The following NPSR1 variants were observed in gnomAD, a reference collection of about 807,000 sequenced individuals.
The protein encoded by NPSR1 is neuropeptide S receptor.
Under a neutral mutation model 46.9 loss-of-function variants are expected in NPSR1, and 48 were observed. That is an observed-to-expected ratio of 1.02 (90% CI 0.81 to 1.30). The LOEUF is 1.30. NPSR1 is among the 50% of genes most tolerant of loss of function. The pLI, the probability that NPSR1 is intolerant of heterozygous loss-of-function variation, is 0.00. For missense variants in NPSR1, 450 were observed against 449.5 expected, an observed-to-expected ratio of 1.00 and a Z score of -0.01; for synonymous variants, 176 against 168.1, an observed-to-expected ratio of 1.05 and a Z score of -0.36.
At chr7:34,761,076 G>A (rs986354302) in intron 2 of NPSR1, 10 of 152,768 alleles carry the variant, frequency 6.5e-5, no homozygotes, top group African/African-American at 2.2e-4. Context: ...ACCACCCCTA[G>A]AAAATGAAAT....
At chr7:34,682,334 C>A (rs1792685106) in intron 1 of NPSR1, among the ~76,000 whole-genome samples, 1 of 152,172 alleles carries the variant, frequency 6.6e-6, no homozygotes, top group Non-Finnish European at 1.5e-5. Flanking sequence ...GCCAGGCCAC[C>A]TGCTTGATGG....
chr7:34,721,748 G>A (rs556293680), intron 2 of NPSR1, among the ~76,000 whole-genome samples: 16 of 152,206 alleles, frequency 1.1e-4, no homozygotes, highest in Admixed American at 2.0e-4. Flanking sequence ...ATATGCCGCC[G>A]AATTTATGTA....
chr7:34,778,000 G>C (rs909516713), intron 2 of NPSR1, among the ~76,000 whole-genome samples: 1 of 152,108 alleles, frequency 6.6e-6, no homozygotes, highest in Admixed American at 6.6e-5. Flanking sequence ...GGGAGGAGGG[G>C]CACTAAGACT....
chr7:34,734,336 C>T (rs546437029), intron 2 of NPSR1, among the ~76,000 whole-genome samples: 1 of 152,060 alleles, frequency 6.6e-6, no homozygotes, highest in Admixed American at 6.5e-5. Flanking sequence ...TACTCTAAAC[C>T]AAACAAGGCA....
At chr7:34,736,840 TCA>T (rs913742411) in intron 2 of NPSR1, among the ~76,000 whole-genome samples, 1 of 152,164 alleles carries the variant, frequency 6.6e-6, no homozygotes, top group Non-Finnish European at 1.5e-5. Context: ...CTCAAATAAG[TCA>T]CAGATTCTAC....
chr7:34,792,734 T>TATTTTTATA (rs58315247), intron 3 of NPSR1, among the ~76,000 whole-genome samples: 10 of 123,282 alleles, frequency 8.1e-5, no homozygotes, highest in African/African-American at 9.1e-5. Context: ...TATATATATA[T>TATTTTTATA]TAGCCAGGCA....
intron 8 of NPSR1, among the ~76,000 whole-genome samples, chr7:34,874,020 C>CCTAATGATACACAGTCTTCT (rs2128770823): frequency 6.6e-6 from 1 of 151,678 alleles, no homozygotes; most frequent in African/African-American, 2.4e-5. Flanking sequence ...TGGCAAGAGC[C>CCTAATGATACACAGTCTTCT]CTAATGATAC....
chr7:34,847,669 A>G (rs1396700420), intron 7 of NPSR1, among the ~76,000 whole-genome samples: 1 of 152,162 alleles, frequency 6.6e-6, no homozygotes, highest in Non-Finnish European at 1.5e-5. Context: ...ACCTTTTTCT[A>G]TGACTCAGGC....
At chr7:34,868,835 A>T (rs1463154763) in intron 8 of NPSR1, among the ~76,000 whole-genome samples, 2 of 151,474 alleles carry the variant, frequency 1.3e-5, no homozygotes, top group Non-Finnish European at 2.9e-5. Context: ...CTCTGACAAA[A>T]TATAACACAG....
intron 2 of NPSR1, among the ~76,000 whole-genome samples, chr7:34,701,976 A>G (rs2128696310): frequency 6.6e-6 from 1 of 152,344 alleles, no homozygotes; most frequent in South Asian, 2.1e-4. Flanking sequence ...AAATCCAAAT[A>G]ATGCTGGCTT....
chr7:34,828,076 T>C (rs942525807), intron 5 of NPSR1, among the ~76,000 whole-genome samples: 1 of 152,208 alleles, frequency 6.6e-6, no homozygotes, highest in Admixed American at 6.5e-5. Context: ...AAGATAGACA[T>C]ACTTGAAACA....
intron 2 of NPSR1, among the ~76,000 whole-genome samples, chr7:34,687,130 C>T (rs981178983): frequency 1.3e-5 from 2 of 151,018 alleles, no homozygotes; most frequent in Non-Finnish European, 2.9e-5. Flanking sequence ...TCAGAGACCC[C>T]ACAACTTCCA....
chr7:34,725,099 T>TCACA (rs56880784), intron 2 of NPSR1, among the ~76,000 whole-genome samples: 2,495 of 146,592 alleles, frequency 0.017, 40 homozygotes, highest in African/African-American at 0.042. Context: ...ACACACAGAC[T>TCACA]CACACACACA....
At chr7:34,771,216 C>T (rs1220576536) in intron 2 of NPSR1, among the ~76,000 whole-genome samples, 3 of 152,148 alleles carry the variant, frequency 2.0e-5, no homozygotes, top group Non-Finnish European at 4.4e-5. Context: ...GAGTGGATCA[C>T]TTGAGCCCGG....
chr7:34,690,725 C>T (rs938314431), intron 2 of NPSR1, among the ~76,000 whole-genome samples: 5 of 152,050 alleles, frequency 3.3e-5, no homozygotes, highest in Non-Finnish European at 5.9e-5. Context: ...TTGATAAATA[C>T]GGGATTATGT....
intron 2 of NPSR1, among the ~76,000 whole-genome samples, chr7:34,737,304 G>A (rs549792783): frequency 7.9e-5 from 12 of 152,228 alleles, no homozygotes. Flanking sequence ...TCTTTCTGCT[G>A]ATTATTAAAA....
chr7:34,848,518 G>C lies in NPSR1; in HGVS notation c.880G>C (p.Asp294His), dbSNP rs1028135599. ...CTGTTGGAGTCCATACTTCCTGTTT[G>C]ACATTTTGGACAATTTCAACCTCCT... ...ICCWSPYFLF[D>H]ILDNFNLLPD... The change falls in exon 8 of 9, where the codon GAC (aspartate) becomes CAC (histidine). Residue 294 changes from aspartate (D) to histidine (H), a missense_variant. Physicochemically the swap from Asp to His is moderately conservative, Grantham distance 81 (BLOSUM62 -1). Transcript: ENST00000360581. 19 of 1,614,012 alleles carry C rather than the reference G, an allele frequency of 1.2e-5. No individual in the cohort carries two copies. Among genetic ancestry groups the C allele is most frequent in the Non-Finnish European group, 1.4e-5 (17 of 1,180,028 alleles).
chr7:34,687,090 C>T (rs958910042), intron 2 of NPSR1, among the ~76,000 whole-genome samples: 1 of 150,054 alleles, frequency 6.7e-6, no homozygotes, highest in African/African-American at 2.4e-5. Flanking sequence ...TTTTGTTTTG[C>T]TTTGTTCTTA....
chr7:34,786,700 G>C (rs1418443190), intron 3 of NPSR1, among the ~76,000 whole-genome samples: 1 of 152,096 alleles, frequency 6.6e-6, no homozygotes, highest in Non-Finnish European at 1.5e-5. Context: ...TGTTGTGTTA[G>C]CAGAAATGAA....
Sources: allele counts gnomAD v4.1 joint callset (sites outside exome capture counted in the v4.1 genomes callset), GRCh38; gene constraint gnomAD v4.1.1; transcripts MANE v1.5; gene names NCBI Gene and HGNC (gene_info 2026-07-23, HGNC 2026-07-21).